OLFM3: variants seen among roughly 807,000 people sequenced by gnomAD.
OLFM3 encodes noelin-3.
In OLFM3, 20 loss-of-function variants were observed where a neutral mutation model predicts 48.6. The ratio of observed to expected loss-of-function variants is 0.41; its 90% CI spans 0.29 to 0.60. The LOEUF is 0.60. OLFM3 is among the 20% of genes least tolerant of loss of function. The probability of loss-of-function intolerance (pLI) is 0.28; values close to 1 mark genes in which losing one functional copy is unlikely to be tolerated. For missense variants in OLFM3, 437 were observed against 544.3 expected (o/e 0.80, Z 1.96); for synonymous variants, 222 against 198.1 (o/e 1.12, Z -1.01).
At position 101,804,237 on chromosome 1, in the gene OLFM3, C is replaced by T. The variant is rs369351184; in HGVS notation, c.*1G>A. 244 of 1,571,160 alleles carry T rather than the reference C, an allele frequency of 1.6e-4. No individual in the cohort carries two copies. The highest frequency in any genetic ancestry group is 2.1e-4 in the Non-Finnish European group (238 of 1,159,774). On this transcript the variant is annotated 3_prime_UTR_variant, in exon 6 of 6. Transcript: ENST00000370103. The surrounding 1 kb of genome is among the most constrained non-coding windows in gnomAD (Gnocchi z 4.5). ...AATCAATGAAAACATGTCACATTTG[C>T]CTATGTGTCATCCTCTGTCTTGATG...
chr1:101,805,389 G>A (rs1335007905), intron 5 of OLFM3, among the ~76,000 whole-genome samples: 1 of 151,650 alleles, frequency 6.6e-6, no homozygotes, highest in Non-Finnish European at 1.5e-5. Context: ...CTTGTTTATT[G>A]GGCTAGCCTG....
intron 1 of OLFM3, among the ~76,000 whole-genome samples, chr1:101,844,458 C>A (rs938042278): frequency 3.3e-5 from 5 of 152,134 alleles, no homozygotes; most frequent in African/African-American, 1.2e-4. Flanking sequence ...GGTGAAATAG[C>A]TTTGTTGAGT....
intron 1 of OLFM3, among the ~76,000 whole-genome samples, chr1:101,858,586 G>A (rs1260720642): frequency 1.3e-5 from 2 of 151,892 alleles, no homozygotes; most frequent in African/African-American, 4.8e-5. Context: ...TTGGAGGAGG[G>A]GCCTGGTGGG....
chr1:101,851,827 G>A (rs1387268841), intron 1 of OLFM3, among the ~76,000 whole-genome samples: 2 of 152,072 alleles, frequency 1.3e-5, no homozygotes, highest in African/African-American at 4.8e-5. Context: ...TCTCCTCTGT[G>A]CAATAAATCA....
chr1:101,925,523 T>C (rs1215623567), intron 1 of OLFM3, among the ~76,000 whole-genome samples: 1 of 151,888 alleles, frequency 6.6e-6, no homozygotes, highest in East Asian at 1.9e-4. Flanking sequence ...TTTTATTTAA[T>C]TAATTTATTC....
intron 1 of OLFM3, among the ~76,000 whole-genome samples, chr1:101,906,004 A>T (rs1419630819): frequency 6.6e-6 from 1 of 152,138 alleles, no homozygotes; most frequent in Non-Finnish European, 1.5e-5. Context: ...ATTTTCTCAC[A>T]TCTCTTCCCT....
At chr1:101,973,624 A>T (rs1465384299) in intron 1 of OLFM3, among the ~76,000 whole-genome samples, 2 of 152,202 alleles carry the variant, frequency 1.3e-5, no homozygotes, top group Non-Finnish European at 2.9e-5. Flanking sequence ...AAGAAGAAAT[A>T]GTTGAGTGAA....
intron 1 of OLFM3, among the ~76,000 whole-genome samples, chr1:101,850,505 A>C (rs1365631211): frequency 6.6e-6 from 1 of 152,104 alleles, no homozygotes; most frequent in Non-Finnish European, 1.5e-5. Context: ...TTTGTAGAAC[A>C]AAAGTTAAAT....
At chr1:101,875,645 C>G (rs796852368) in intron 1 of OLFM3, among the ~76,000 whole-genome samples, 5 of 135,150 alleles carry the variant, frequency 3.7e-5, no homozygotes, top group African/African-American at 1.4e-4. Flanking sequence ...ATCTACAGTC[C>G]CTATGCTGAA....
At chr1:101,823,630 T>C (rs1199613611) in intron 4 of OLFM3, among the ~76,000 whole-genome samples, 1 of 151,996 alleles carries the variant, frequency 6.6e-6, no homozygotes, top group Non-Finnish European at 1.5e-5. Context: ...TAGGAGATTT[T>C]CAACAGAGCA....
intron 1 of OLFM3, among the ~76,000 whole-genome samples, chr1:101,919,976 A>G (rs575225894): frequency 4.0e-4 from 61 of 152,296 alleles, no homozygotes; most frequent in Non-Finnish European, 6.9e-4. Context: ...GGCCTAAAGC[A>G]TTGTAATTTA....
chr1:101,975,461 G>T (rs1211217364), intron 1 of OLFM3, among the ~76,000 whole-genome samples: 1 of 151,878 alleles, frequency 6.6e-6, no homozygotes, highest in Non-Finnish European at 1.5e-5. Context: ...TTTTGCGGCG[G>T]GTAGAGAAAT....
At chr1:101,869,250 C>T (rs568292309) in intron 1 of OLFM3, among the ~76,000 whole-genome samples, 1 of 152,274 alleles carries the variant, frequency 6.6e-6, no homozygotes, top group Admixed American at 6.5e-5. Flanking sequence ...TGGGGCTGTA[C>T]CCTGCAAAGC....
intron 1 of OLFM3, among the ~76,000 whole-genome samples, chr1:101,875,592 G>A (rs1657267284): frequency 4.0e-5 from 6 of 151,888 alleles, no homozygotes; most frequent in Admixed American, 3.9e-4. Context: ...TAGGACATAA[G>A]ATGAGTTAAA....
chr1:101,847,106 G>C, intron 1 of OLFM3: 1 of 1,331,886 alleles, frequency 7.5e-7, no homozygotes, highest in Non-Finnish European at 9.7e-7. Context: ...TAATCACCCA[G>C]GAAAGCTTCG....
intron 1 of OLFM3, among the ~76,000 whole-genome samples, chr1:101,930,919 G>A (rs1318377614): frequency 6.6e-6 from 1 of 152,168 alleles, no homozygotes; most frequent in Non-Finnish European, 1.5e-5. Context: ...GGACCTAAAG[G>A]AATCATTTAC....
At chr1:101,972,605 A>T (rs1016116730) in intron 1 of OLFM3, among the ~76,000 whole-genome samples, 1 of 152,220 alleles carries the variant, frequency 6.6e-6, no homozygotes, top group African/African-American at 2.4e-5. Context: ...TAAATATCTT[A>T]GATAACATTA....
chr1:101,867,819 T>C (rs1656916438), intron 1 of OLFM3, among the ~76,000 whole-genome samples: 2 of 152,208 alleles, frequency 1.3e-5, no homozygotes, highest in Non-Finnish European at 2.9e-5. Context: ...CCAAATCTCA[T>C]CTTGAATTGT....
intron 1 of OLFM3, among the ~76,000 whole-genome samples, chr1:101,851,587 G>A (rs1000702053): frequency 6.6e-6 from 1 of 152,076 alleles, no homozygotes; most frequent in African/African-American, 2.4e-5. Context: ...AACTTTGCTG[G>A]ATGACACCAT....
Sources: gnomAD v4.1 joint callset for allele counts (sites outside exome capture counted in the v4.1 genomes callset) on GRCh38, gnomAD v4.1.1 for gene constraint, Gnocchi (gnomAD v3.1) non-coding constraint, MANE v1.5 for transcripts, NCBI Gene and HGNC (gene_info 2026-07-23, HGNC 2026-07-21) for gene names.